KMT2E: variants seen among roughly 807,000 people sequenced by gnomAD.
KMT2E encodes histone reader KMT2E.
Under a neutral mutation model 184.6 loss-of-function variants are expected in KMT2E, and 30 were observed. The observed-to-expected ratio is 0.16, with a 90% CI of 0.12 to 0.22. The LOEUF (loss-of-function observed/expected upper bound fraction) is 0.22, where lower values mean the gene tolerates loss of function less well. KMT2E is among the 10% of genes least tolerant of loss of function. The pLI is 1.00. For missense variants in KMT2E, 2,023 were observed against 2,237.4 expected (o/e 0.90, Z 1.93); for synonymous variants, 815 against 776.5 (o/e 1.05, Z -0.82).
intron 1 of KMT2E, among the ~76,000 whole-genome samples, chr7:105,031,252 G>A (rs1421372364): frequency 6.6e-6 from 1 of 151,628 alleles, no homozygotes; most frequent in Non-Finnish European, 1.5e-5. Flanking sequence ...AGGTACTTGG[G>A]AGACTGAGGC....
At position 105,059,978 on chromosome 7, in the gene KMT2E, G is replaced by GTTTTTTTTTT. The variant is rs67291226; in HGVS notation, c.72-2162_72-2153dup. On this transcript the variant is annotated intron_variant, in intron 3 of 26. Coordinates refer to ENST00000311117, the MANE Select transcript of KMT2E (RefSeq NM_182931.3). ...GCTGAATATTGATTTTCTTGTTGTT[G>GTTTTTTTTTT]TTTTTTTTTTTTTTTTTTTTTTTTT... 3.7e-3 allele frequency among the ~76,000 whole-genome samples: 192 copies of GTTTTTTTTTT among 51,782 alleles called. 34 individuals carry two copies. The highest frequency in any genetic ancestry group is 5.3e-3 in the Non-Finnish European group (133 of 24,942). The allele number at this position is 51,782 out of a possible 152,430, so 34.0% of individuals were successfully genotyped here. A position where few individuals can be genotyped will look rare whatever the true frequency, so the allele number is the denominator to read the frequency against.
At chr7:105,054,660 A>G (rs964881180) in intron 3 of KMT2E, among the ~76,000 whole-genome samples, 2 of 151,974 alleles carry the variant, frequency 1.3e-5, no homozygotes, top group African/African-American at 2.4e-5. Flanking sequence ...GATTATAGGC[A>G]TGAGCCACCA....
Position 105,076,079 on chromosome 7 carries a change from A to G in KMT2E, c.766A>G (p.Lys256Glu). Reference sequence around the variant, plus strand: ...AGGATCTAGGAAGTCATCAAGAGTTAAGGTAAATACATTAATTTTAAGGTG... The same window carrying G: ...AGGATCTAGGAAGTCATCAAGAGTTGAGGTAAATACATTAATTTTAAGGTG... ...REGSRKSSRV[K>E]GSAPEIDPSS... Residue 256 changes from lysine to glutamate, a missense_variant and splice_region_variant, in exon 9 of 27, where the codon AAG becomes GAG. Coordinates refer to ENST00000311117, the MANE Select transcript of KMT2E (RefSeq NM_182931.3). 6.3e-7 allele frequency: 1 copy of G among 1,592,048 alleles called. No homozygotes were observed. Among genetic ancestry groups the G allele is most frequent in the Non-Finnish European group, 8.6e-7 (1 of 1,160,568 alleles).
At chr7:105,022,474 G>T (rs558848338) in intron 1 of KMT2E, among the ~76,000 whole-genome samples, 1 of 151,898 alleles carries the variant, frequency 6.6e-6, no homozygotes, top group East Asian at 1.9e-4. Context: ...TCGTCTGGAG[G>T]CATATGATGT....
chr7:105,032,730 C>A (rs1795478510), intron 1 of KMT2E, among the ~76,000 whole-genome samples: 1 of 152,180 alleles, frequency 6.6e-6, no homozygotes, highest in African/African-American at 2.4e-5. Flanking sequence ...GCCTCAAACT[C>A]CTGGCCTCAA....
chr7:105,062,384 T>G, intron 4 of KMT2E, 106 bp downstream of exon 4: 1 of 625,260 alleles, frequency 1.6e-6, no homozygotes, highest in Non-Finnish European at 2.7e-6. Flanking sequence ...GCATGGTTGT[T>G]TCATACTATC....
chr7:105,077,851 C>T, intron 11 of KMT2E: 1 of 168,374 alleles, frequency 5.9e-6, no homozygotes, highest in Non-Finnish European at 1.3e-5. Context: ...ATAGGAGAAA[C>T]CCCTTCCTCT....
intron 13 of KMT2E, among the ~76,000 whole-genome samples, chr7:105,087,823 CTTTT>C (rs144913829): frequency 1.9e-5 from 2 of 103,860 alleles, no homozygotes; most frequent in East Asian, 2.5e-4. Flanking sequence ...TGTTTTCTTG[CTTTT>C]TTTTTTTTTT....
At chr7:105,030,127 G>A (rs904938961) in intron 1 of KMT2E, among the ~76,000 whole-genome samples, 12 of 152,198 alleles carry the variant, frequency 7.9e-5, no homozygotes, top group African/African-American at 2.9e-4. Context: ...ATATAAACCA[G>A]TAGTTAATGT....
rs752503112 is a variant in KMT2E, at chr7:105,107,554, A to G, written c.3097A>G (p.Thr1033Ala). The change falls in exon 22 of 27, where the codon ACT becomes GCT. Residue 1033 changes from threonine (T) to alanine (A), a missense_variant. By Grantham distance (58) the Thr-to-Ala change is moderately conservative. Around this residue, in one of 8 missense-constraint regions of KMT2E, gnomAD observed 1,108 missense variants for 1,050.9 expected, o/e 1.05. Transcript: ENST00000311117. ...LQLGLDAVEP[T>A]ALHKTLETPA... ...GCTAGGACTCGATGCAGTTGAGCCA[A>G]CTGCCCTACATAAAACCCTGGAAAC... 5 of 1,614,146 alleles carry G rather than the reference A, an allele frequency of 3.1e-6. No individual in the cohort carries two copies. In the South Asian group the frequency reaches 3.3e-5, roughly 11 times the overall value.
chr7:105,050,665 T>TCTTTC (rs1554385539), intron 3 of KMT2E, among the ~76,000 whole-genome samples: 1 of 147,404 alleles, frequency 6.8e-6, no homozygotes, highest in East Asian at 2.2e-4. Flanking sequence ...TTTCTTTCTT[T>TCTTTC]TTTCTTTCTT....
At chr7:105,027,017 A>G (rs1040108237) in intron 1 of KMT2E, among the ~76,000 whole-genome samples, 1 of 150,338 alleles carries the variant, frequency 6.7e-6, no homozygotes, top group African/African-American at 2.4e-5. Context: ...TGAGCTCACT[A>G]TATGTGGGTT....
intron 1 of KMT2E, among the ~76,000 whole-genome samples, chr7:105,020,038 G>A (rs1212629646): frequency 6.6e-6 from 1 of 151,444 alleles, no homozygotes; most frequent in East Asian, 1.9e-4. Flanking sequence ...AACCCAGGAG[G>A]CGGAGGTTGC....
At chr7:105,049,576 A>G (rs1235794203) in intron 3 of KMT2E, among the ~76,000 whole-genome samples, 2 of 151,700 alleles carry the variant, frequency 1.3e-5, no homozygotes, top group Non-Finnish European at 2.9e-5. Flanking sequence ...TTTATATTCA[A>G]ATTCTGTTTT....
intron 13 of KMT2E, among the ~76,000 whole-genome samples, chr7:105,089,689 C>T (rs1798123148): frequency 6.6e-6 from 1 of 152,138 alleles, no homozygotes; most frequent in South Asian, 2.1e-4. Context: ...CAAGATATCT[C>T]ATTATATATA....
At chr7:105,100,399 A>C (rs1798601002) in intron 15 of KMT2E, among the ~76,000 whole-genome samples, 1 of 152,182 alleles carries the variant, frequency 6.6e-6, no homozygotes, top group East Asian at 1.9e-4. Flanking sequence ...CCAGACCTTG[A>C]GTTTCTGATC....
chr7:105,058,282 T>C (rs1159889479), intron 3 of KMT2E, among the ~76,000 whole-genome samples: 2 of 152,194 alleles, frequency 1.3e-5, no homozygotes, highest in African/African-American at 4.8e-5. Context: ...GTGTGCTTCT[T>C]ATCACATAGC....
In KMT2E at chr7:105,114,988, T is replaced by C. The variant is rs1799545377; in HGVS notation, c.*1655T>C. Reference sequence around the variant, plus strand: ...TAGTTTCAAACAGAATAAAGGTAACTAGCATGTGAAATAAAAATATTCTTC... The same window carrying C: ...TAGTTTCAAACAGAATAAAGGTAACCAGCATGTGAAATAAAAATATTCTTC... On this transcript the variant is annotated 3_prime_UTR_variant, in exon 27 of 27. Transcript: ENST00000311117. 6.6e-6 allele frequency among the ~76,000 whole-genome samples: 1 copy of C among 152,204 alleles called. No homozygotes were observed. Among genetic ancestry groups the C allele is most frequent in the South Asian group, 2.1e-4 (1 of 4,822 alleles).
In KMT2E at chr7:105,063,480, A is replaced by C; in HGVS notation, c.316A>C (p.Ile106Leu). 1 of 1,613,866 alleles carries C rather than the reference A, an allele frequency of 6.2e-7. No individual in the cohort carries two copies. Among genetic ancestry groups the C allele is most frequent in the South Asian group, 1.1e-5 (1 of 91,050 alleles). Residue 106 changes from isoleucine to leucine, a missense_variant, in exon 5 of 27, where the codon ATC (isoleucine) becomes CTC (leucine). By Grantham distance (5) the Ile-to-Leu change is conservative (BLOSUM62 2). Transcript: ENST00000311117. Reference protein sequence around the residue: ...NFDETSSATTISTSEDGSYGT... With the variant: ...NFDETSSATTLSTSEDGSYGT... ...TGATGAAACTTCCAGTGCTACTACA[A>C]TCAGCACATCTGAGGATGGAAGTTA... is the stretch of plus-strand genomic sequence containing the variant.
Sources: gnomAD v4.1 joint callset for allele counts (sites outside exome capture counted in the v4.1 genomes callset) on GRCh38, gnomAD v4.1.1 for gene constraint, gnomAD v4.1.1 regional missense constraint, MANE v1.5 for transcripts, NCBI Gene and HGNC (gene_info 2026-07-23, HGNC 2026-07-21) for gene names.